The following EPB41L3 variants were observed in gnomAD, a reference collection of about 807,000 sequenced individuals.
The protein encoded by EPB41L3 is band 4.1-like protein 3.
EPB41L3 carries 57 observed loss-of-function variants against 127.1 expected under a neutral mutation model. That is an observed-to-expected ratio of 0.45 (90% CI 0.36 to 0.56). EPB41L3 has a LOEUF of 0.56. Among genes scored for constraint, EPB41L3 ranks in the 20% least tolerant of loss-of-function variants. The pLI is 0.00. For missense variants in EPB41L3, 1,273 were observed against 1,372.2 expected (o/e 0.93, Z 1.14); for synonymous variants, 572 against 549.5 (o/e 1.04, Z -0.57).
At position 5,454,217 on chromosome 18, in the gene EPB41L3, T is replaced by G. The variant is rs569704279; in HGVS notation, c.382-8973A>C. 5.9e-3 allele frequency among the ~76,000 whole-genome samples: 894 copies of G among 151,192 alleles called. 7 individuals carry two copies. The highest frequency in any genetic ancestry group is 0.02 in the African/African-American group (825 of 41,278). ...TTTTTTTTTGTTTCCTTGTTTTTTTTTTTTTTTTTTAATCCATACTTGGAA... is the reference window on the plus strand; with the variant it reads ...TTTTTTTTTGTTTCCTTGTTTTTTTGTTTTTTTTTTAATCCATACTTGGAA... On this transcript the variant is annotated intron_variant, in intron 3 of 22. Coordinates refer to ENST00000341928, the MANE Select transcript of EPB41L3 (RefSeq NM_012307.5).
At chr18:5,544,101 G>A (rs2093832448), upstream of EPB41L3, 51 of 985,502 alleles carry the variant, frequency 5.2e-5, no homozygotes, top group Non-Finnish European at 5.9e-5. Flanking sequence ...GGGGGCCCAC[G>A]CCCAGAGACC....
At chr18:5,475,589 T>C (rs924981124) in intron 3 of EPB41L3, among the ~76,000 whole-genome samples, 4 of 152,214 alleles carry the variant, frequency 2.6e-5, no homozygotes, top group African/African-American at 9.7e-5. Context: ...CACGATGAGT[T>C]TGTAATGAAC....
chr18:5,551,533 T>C (rs1477899257), intron 3 of EPB41L3, among the ~76,000 whole-genome samples: 1 of 152,096 alleles, frequency 6.6e-6, no homozygotes, highest in African/African-American at 2.4e-5. Flanking sequence ...GAGTCCAGCT[T>C]GGGCAATATA....
chr18:5,436,406 T>C (rs75130060), intron 6 of EPB41L3, among the ~76,000 whole-genome samples: 1 of 118,694 alleles, frequency 8.4e-6, no homozygotes, highest in Non-Finnish European at 1.7e-5. Flanking sequence ...TTTCTTTCTT[T>C]TTTTTTTTTT....
chr18:5,429,447 C>G (rs1392449755), intron 8 of EPB41L3: 1 of 152,178 alleles, frequency 6.6e-6, no homozygotes, highest in Non-Finnish European at 1.5e-5. Flanking sequence ...AGACAGGACA[C>G]AGGCAGGATT....
At chr18:5,410,864 G>A (rs1267289908) in intron 13 of EPB41L3, among the ~76,000 whole-genome samples, 2 of 152,136 alleles carry the variant, frequency 1.3e-5, no homozygotes, top group Admixed American at 6.5e-5. Context: ...AGGAGCTGGG[G>A]AGCCACACTG....
chr18:5,558,738 T>G (rs1323924864), intron 3 of EPB41L3, among the ~76,000 whole-genome samples: 1 of 152,204 alleles, frequency 6.6e-6, no homozygotes, highest in Non-Finnish European at 1.5e-5. Flanking sequence ...TCAAATATAT[T>G]AAGCTCCTCC....
Position 5,467,175 on chromosome 18 carries a change from T to C in EPB41L3, c.381+11066A>G, listed in dbSNP as rs866246892. 5.3e-5 allele frequency among the ~76,000 whole-genome samples: 8 copies of C among 152,338 alleles called. 1 individual carries two copies. In the Middle Eastern group the frequency reaches 0.01, roughly 194 times the overall value. On this transcript the variant is annotated intron_variant, in intron 3 of 22. Coordinates refer to ENST00000341928, the MANE Select transcript of EPB41L3 (RefSeq NM_012307.5). ...AAAGAGCTTTGTCGAGCCTTGAAAC[T>C]TGTTCCATACACCACTCTGAAGACT...
chr18:5,608,795 G>A (rs1431305835), intron 3 of EPB41L3, among the ~76,000 whole-genome samples: 1 of 152,130 alleles, frequency 6.6e-6, no homozygotes, highest in African/African-American at 2.4e-5. Flanking sequence ...GAATCCCAAA[G>A]GGAGATTTTT....
At chr18:5,524,542 A>C (rs996902809) in intron 1 of EPB41L3, among the ~76,000 whole-genome samples, 17 of 152,192 alleles carry the variant, frequency 1.1e-4, no homozygotes, top group Non-Finnish European at 2.5e-4. Flanking sequence ...CTTTCCTACT[A>C]TAATATAAAC....
intron 16 of EPB41L3, among the ~76,000 whole-genome samples, chr18:5,406,114 G>A (rs1310633126): frequency 6.6e-6 from 1 of 151,980 alleles, no homozygotes; most frequent in Non-Finnish European, 1.5e-5. Flanking sequence ...AGCCCGGTGT[G>A]GTGAAGGGCA....
Position 5,424,343 on chromosome 18 carries a change from C to T in EPB41L3, c.1082G>A (p.Ser361Asn). 6.2e-7 allele frequency: 1 copy of T among 1,602,126 alleles called. No homozygotes were observed. The highest frequency in any genetic ancestry group is 1.1e-5 in the South Asian group (1 of 88,140). ...GTTTGGCAGCTTAAACCCAATGGTG[C>T]TTTCAAATTGTTCAAACTAAATAAA... ...IRPGEFEQFE[S>N]TIGFKLPNHR... Residue 361 changes from serine (S) to asparagine (N), a missense_variant, in exon 10 of 23, where the codon AGC becomes AAC. By Grantham distance (46) the Ser-to-Asn change is conservative. This residue lies in a region of EPB41L3 where 326 missense variants were observed against 440.2 expected (regional missense o/e 0.74). Coordinates refer to ENST00000341928, the MANE Select transcript of EPB41L3 (RefSeq NM_012307.5).
At chr18:5,566,088 C>T (rs1232231466) in intron 3 of EPB41L3, among the ~76,000 whole-genome samples, 2 of 152,124 alleles carry the variant, frequency 1.3e-5, no homozygotes, top group African/African-American at 2.4e-5. Flanking sequence ...CACTCCTATT[C>T]AACATGGTGT....
intron 3 of EPB41L3, among the ~76,000 whole-genome samples, chr18:5,454,467 T>G (rs2082741413): frequency 6.6e-6 from 1 of 152,146 alleles, no homozygotes; most frequent in African/African-American, 2.4e-5. Flanking sequence ...ACATCACTAC[T>G]GCCAGAATCC....
intron 1 of EPB41L3, among the ~76,000 whole-genome samples, chr18:5,625,949 T>C (rs1302491162): frequency 6.6e-6 from 1 of 152,158 alleles, no homozygotes; most frequent in Non-Finnish European, 1.5e-5. Flanking sequence ...CCATGCTTTT[T>C]TTTTTTTGTC....
chr18:5,595,581 C>T (rs540646068), intron 3 of EPB41L3, among the ~76,000 whole-genome samples: 66 of 152,180 alleles, frequency 4.3e-4, no homozygotes, highest in Non-Finnish European at 8.7e-4. Flanking sequence ...TATTTGTTAT[C>T]TGATGTGCCC....
At chr18:5,616,446 T>C (rs1019682169) in intron 1 of EPB41L3, among the ~76,000 whole-genome samples, 1 of 152,174 alleles carries the variant, frequency 6.6e-6, no homozygotes, top group South Asian at 2.1e-4. Flanking sequence ...AATACAAGTG[T>C]TTTTATTATG....
At chr18:5,624,314 T>C (rs1301226638) in intron 1 of EPB41L3, among the ~76,000 whole-genome samples, 2 of 152,236 alleles carry the variant, frequency 1.3e-5, no homozygotes, top group African/African-American at 4.8e-5. Flanking sequence ...TATTTAGGAA[T>C]GCATTCAGTA....
At chr18:5,539,906 A>G (rs577828162) in intron 1 of EPB41L3, among the ~76,000 whole-genome samples, 27 of 152,308 alleles carry the variant, frequency 1.8e-4, no homozygotes, top group African/African-American at 6.3e-4. Context: ...ATCACTGCAG[A>G]TATCTTCTAC....
Sources: allele counts gnomAD v4.1 joint callset (sites outside exome capture counted in the v4.1 genomes callset), GRCh38; gene constraint gnomAD v4.1.1; regional missense constraint gnomAD v4.1.1; transcripts MANE v1.5; gene names NCBI Gene and HGNC (gene_info 2026-07-23, HGNC 2026-07-21).